Variants in VCF2 observed in about 807,000 individuals in gnomAD.
The protein encoded by VCF2 is VCP nuclear cofactor family member 2.
At chrX:55,159,298 G>T in the VCF2 span, 3 of 887,352 alleles carry the variant, frequency 3.4e-6, no homozygotes, top group African/African-American at 2.0e-5. Context: ...AAATTGTAAA[G>T]CCGTGACAAC....
the VCF2 span, among the ~76,000 whole-genome samples, chrX:55,150,300 G>A: frequency 9.0e-6 from 1 of 111,668 alleles, no homozygotes; most frequent in East Asian, 2.8e-4. Flanking sequence ...TCCACAGATG[G>A]GGGAAGGAAG....
chrX:55,161,137 C>T, the VCF2 span: 5 of 1,208,734 alleles, frequency 4.1e-6, no homozygotes, highest in Admixed American at 2.2e-5. Context: ...ACGAACTTAC[C>T]GTACAGGGCA....
chrX:55,158,706 T>C, the VCF2 span, among the ~76,000 whole-genome samples: 1 of 111,623 alleles, frequency 9.0e-6, no homozygotes, highest in African/African-American at 3.3e-5. Context: ...TTCAAACTCT[T>C]TTTCCAGCAC....
chrX:55,145,525 T>G, the VCF2 span: 76 of 753,507 alleles, frequency 1.0e-4, no homozygotes, highest in Non-Finnish European at 1.1e-4. Flanking sequence ...CCATTACAAC[T>G]AGAGAGCAAT....
chrX:55,143,907 T>C, the VCF2 span: 1 of 1,017,047 alleles, frequency 9.8e-7, no homozygotes. Context: ...TTGCATATTG[T>C]ATTTACTAGG....
At chrX:55,155,136 G>A in the VCF2 span, among the ~76,000 whole-genome samples, 2 of 112,074 alleles carry the variant, frequency 1.8e-5, no homozygotes, top group East Asian at 5.6e-4. Flanking sequence ...AGGAGACAAA[G>A]CCACAGATGA....
chrX:55,149,798 G>C, the VCF2 span, among the ~76,000 whole-genome samples: 4 of 111,624 alleles, frequency 3.6e-5, no homozygotes, highest in African/African-American at 1.3e-4. Context: ...AAATTTGTTT[G>C]GAAAAATTTA....
the VCF2 span, among the ~76,000 whole-genome samples, chrX:55,147,609 C>T: frequency 5.9e-3 from 587 of 100,067 alleles, 7 homozygotes; most frequent in African/African-American, 0.021. Flanking sequence ...GCTGACAATT[C>T]GGTTCCTCTT....
chrX:55,143,673 G>C, the VCF2 span: 1 of 516,431 alleles, frequency 1.9e-6, no homozygotes, highest in Non-Finnish European at 3.3e-6. Flanking sequence ...ACAGCTTTCT[G>C]AGCCCCTACT....
At chrX:55,156,099 G>C in the VCF2 span, among the ~76,000 whole-genome samples, 2 of 109,401 alleles carry the variant, frequency 1.8e-5, no homozygotes, top group Admixed American at 9.7e-5. Context: ...CTACAGGTGC[G>C]CGCCACCAAG....
chrX:55,147,961 CTAAA>C, the VCF2 span, among the ~76,000 whole-genome samples: 293 of 110,851 alleles, frequency 2.6e-3, 1 homozygote, highest in Non-Finnish European at 4.2e-3. Flanking sequence ...TCAGAAATAA[CTAAA>C]TGTTTAAAAA....
At chrX:55,145,557 T>G in the VCF2 span, 9 of 755,522 alleles carry the variant, frequency 1.2e-5, no homozygotes, top group Non-Finnish European at 1.4e-5. Context: ...ATCTACCTTC[T>G]GAGGGGAGTA....
At chrX:55,153,608 G>A in the VCF2 span, among the ~76,000 whole-genome samples, 2 of 109,643 alleles carry the variant, frequency 1.8e-5, no homozygotes, top group African/African-American at 3.3e-5. Context: ...TGATCTGTCC[G>A]CCTCGGCCTC....
chrX:55,160,821 C>T, the VCF2 span: 21 of 1,153,156 alleles, frequency 1.8e-5, no homozygotes, highest in Non-Finnish European at 2.2e-5. Flanking sequence ...CGAGGGACCA[C>T]ATCCCCACCT....
At chrX:55,149,473 A>C in the VCF2 span, among the ~76,000 whole-genome samples, 2 of 111,524 alleles carry the variant, frequency 1.8e-5, no homozygotes, top group Non-Finnish European at 3.8e-5. Flanking sequence ...GATACCAATC[A>C]AAATACACTG....
chrX:55,159,104 G>C, the VCF2 span: 4 of 1,105,956 alleles, frequency 3.6e-6, no homozygotes, highest in African/African-American at 3.7e-5. Context: ...GAATGAAATA[G>C]AGGCAATCTG....
At chrX:55,145,473 A>G in the VCF2 span, 1 of 753,591 alleles carries the variant, frequency 1.3e-6, no homozygotes, top group Non-Finnish European at 1.6e-6. Flanking sequence ...GTTATTAGAG[A>G]GAGATTTTCA....
the VCF2 span, among the ~76,000 whole-genome samples, chrX:55,151,954 G>T: frequency 9.2e-5 from 9 of 97,604 alleles, no homozygotes; most frequent in Non-Finnish European, 1.5e-4. Flanking sequence ...TGCAGTGGCG[G>T]GATCTCGGCT....
chrX:55,160,860 C>T, the VCF2 span: 1 of 1,154,720 alleles, frequency 8.7e-7, no homozygotes, highest in Non-Finnish European at 1.1e-6. Context: ...TTGTAAGGCA[C>T]TGACAACCAA....
Sources: allele counts gnomAD v4.1 joint callset (sites outside exome capture counted in the v4.1 genomes callset), GRCh38; gene constraint gnomAD v4.1.1; transcripts MANE v1.5; gene names NCBI Gene and HGNC (gene_info 2026-07-23, HGNC 2026-07-21).